ABHD17C: variants seen among roughly 807,000 people sequenced by gnomAD.
The protein encoded by ABHD17C is abhydrolase domain containing 17C, depalmitoylase.
ABHD17C carries 11 observed loss-of-function variants against 27.9 expected under a neutral mutation model. That is an observed-to-expected ratio of 0.39 (90% CI 0.25 to 0.65). The LOEUF (loss-of-function observed/expected upper bound fraction) is 0.65, where lower values mean the gene tolerates loss of function less well. Among genes scored for constraint, ABHD17C ranks in the 30% least tolerant of loss-of-function variants. ABHD17C has a pLI of 0.45. For synonymous variants in ABHD17C, 233 were observed against 209.1 expected (o/e 1.11, Z -0.98); for missense variants, 280 against 470.2 (o/e 0.60, Z 3.74).
intron 1 of ABHD17C, among the ~76,000 whole-genome samples, chr15:80,738,380 G>T (rs998319877): frequency 6.6e-6 from 1 of 152,192 alleles, no homozygotes; most frequent in African/African-American, 2.4e-5. Flanking sequence ...GGGATGTACA[G>T]GCAGCAAGAG....
intron 1 of ABHD17C, among the ~76,000 whole-genome samples, chr15:80,725,180 T>C (rs907013716): frequency 2.0e-5 from 3 of 152,204 alleles, no homozygotes; most frequent in Non-Finnish European, 2.9e-5. Context: ...ACAGAGAATA[T>C]AACAACGAAT....
At chr15:80,730,825 T>C (rs946803352) in intron 1 of ABHD17C, among the ~76,000 whole-genome samples, 4 of 152,172 alleles carry the variant, frequency 2.6e-5, no homozygotes, top group Admixed American at 2.6e-4. Context: ...GATATTGTAA[T>C]TGTTTATGGT....
chr15:80,752,473 C>G (rs887400116), intron 2 of ABHD17C, among the ~76,000 whole-genome samples: 3 of 152,138 alleles, frequency 2.0e-5, no homozygotes, highest in African/African-American at 7.2e-5. Context: ...GACCTCATTC[C>G]TGTTATTTAA....
intron 1 of ABHD17C, among the ~76,000 whole-genome samples, chr15:80,714,817 A>T (rs1894781036): frequency 6.6e-6 from 1 of 152,200 alleles, no homozygotes; most frequent in Non-Finnish European, 1.5e-5. Flanking sequence ...TCATAGTGTT[A>T]CTTAATATAT....
At chr15:80,715,650 A>G (rs1253280770) in intron 1 of ABHD17C, among the ~76,000 whole-genome samples, 1 of 152,202 alleles carries the variant, frequency 6.6e-6, no homozygotes, top group Non-Finnish European at 1.5e-5. Context: ...ACCTATTTCT[A>G]AATGGGTTTG....
intron 1 of ABHD17C, among the ~76,000 whole-genome samples, chr15:80,718,259 T>A (rs951154133): frequency 3.4e-5 from 5 of 149,102 alleles, no homozygotes; most frequent in Admixed American, 6.6e-5. Context: ...ATTTTTTTTT[T>A]GACTGGCTTT....
chr15:80,741,106 A>AT, intron 1 of ABHD17C, among the ~76,000 whole-genome samples: 2 of 152,130 alleles, frequency 1.3e-5, no homozygotes, highest in East Asian at 3.9e-4. Context: ...CTCACCTTAC[A>AT]TATAGCCTTG....
intron 1 of ABHD17C, among the ~76,000 whole-genome samples, chr15:80,706,091 G>A (rs560390104): frequency 8.5e-5 from 13 of 152,182 alleles, no homozygotes; most frequent in Non-Finnish European, 1.6e-4. Context: ...CTTATGAGAC[G>A]ATCCTTAATA....
rs565619860 is a variant in ABHD17C at position 80,703,699 on chromosome 15, C to T, written c.590+7680C>T. ...TGAGACACACTAGCCTAGAAATGTC[C>T]AAGAGCCAGTGAGTATATTAAGATC... On this transcript the variant is annotated intron_variant, in intron 1 of 2. Coordinates refer to ENST00000258884, the MANE Select transcript of ABHD17C (RefSeq NM_021214.2). 2.0e-5 allele frequency among the ~76,000 whole-genome samples: 3 copies of T among 152,130 alleles called. No individual in the cohort carries two copies. The East Asian group carries it at 5.8e-4, about 29-fold the overall frequency.
chr15:80,710,764 TG>T (rs1424541532), intron 1 of ABHD17C, among the ~76,000 whole-genome samples: 1 of 152,006 alleles, frequency 6.6e-6, no homozygotes, highest in Admixed American at 6.6e-5. Flanking sequence ...TTTGTGGAGA[TG>T]GGGTCTCACT....
chr15:80,725,349 T>C (rs1020825490), intron 1 of ABHD17C, among the ~76,000 whole-genome samples: 17 of 152,224 alleles, frequency 1.1e-4, no homozygotes, highest in Admixed American at 9.2e-4. Flanking sequence ...AGACATGGGA[T>C]AGGTGAGAAT....
chr15:80,751,939 C>G (rs770431014), intron 2 of ABHD17C, among the ~76,000 whole-genome samples: 1 of 152,224 alleles, frequency 6.6e-6, no homozygotes, highest in Non-Finnish European at 1.5e-5. Context: ...GCAGAATCAT[C>G]TGTGTCCCTC....
chr15:80,742,815 G>A (rs574888697), intron 1 of ABHD17C, among the ~76,000 whole-genome samples: 7 of 152,240 alleles, frequency 4.6e-5, no homozygotes, highest in Admixed American at 2.6e-4. Context: ...GAGTGACTCC[G>A]GGTCTCAGAG....
chr15:80,751,195 C>CA (rs760127613), intron 2 of ABHD17C, among the ~76,000 whole-genome samples: 40 of 118,904 alleles, frequency 3.4e-4, no homozygotes, highest in East Asian at 6.1e-4. Flanking sequence ...ACTAAAAATA[C>CA]AAAAAAAAAA....
intron 1 of ABHD17C, among the ~76,000 whole-genome samples, chr15:80,736,753 G>T (rs1331754757): frequency 1.3e-5 from 2 of 152,156 alleles, no homozygotes; most frequent in Non-Finnish European, 2.9e-5. Context: ...ATAAATGGGA[G>T]AGCTCCTGAC....
chr15:80,746,347 T>C (rs138917956), intron 1 of ABHD17C, among the ~76,000 whole-genome samples: 18 of 152,330 alleles, frequency 1.2e-4, no homozygotes, highest in South Asian at 6.2e-4. Context: ...GTGGCAAATA[T>C]ATTTTCCCAC....
chr15:80,750,885 T>G (rs1875074025), intron 2 of ABHD17C, among the ~76,000 whole-genome samples: 1 of 152,096 alleles, frequency 6.6e-6, no homozygotes, highest in South Asian at 2.1e-4. Flanking sequence ...AATAGTTTTT[T>G]TTTTTTCCTG....
intron 1 of ABHD17C, among the ~76,000 whole-genome samples, chr15:80,742,109 C>T (rs780920686): frequency 8.5e-5 from 13 of 152,152 alleles, no homozygotes; most frequent in Non-Finnish European, 1.8e-4. Context: ...AAAAGCAAAA[C>T]CATGAATCTG....
At chr15:80,741,352 A>AT (rs920352841) in intron 1 of ABHD17C, among the ~76,000 whole-genome samples, 1 of 151,158 alleles carries the variant, frequency 6.6e-6, no homozygotes, top group African/African-American at 2.4e-5. Context: ...AACTAGCACA[A>AT]TTTTTTTTTC....
Sources: allele counts gnomAD v4.1 joint callset (sites outside exome capture counted in the v4.1 genomes callset), GRCh38; gene constraint gnomAD v4.1.1; transcripts MANE v1.5; gene names NCBI Gene and HGNC (gene_info 2026-07-23, HGNC 2026-07-21).